The following CYRIA variants were observed in gnomAD, a reference collection of about 807,000 sequenced individuals.
CYRIA encodes the protein CYFIP related Rac1 interactor A, also known as CYFIP-related Rac1 interactor A.
A neutral mutation model predicts 43.9 loss-of-function variants in CYRIA; 15 were observed. The ratio of observed to expected loss-of-function variants is 0.34; its 90% CI spans 0.23 to 0.53. CYRIA has a LOEUF of 0.53. Ranked by LOEUF, CYRIA falls within the 20% of genes least tolerant of loss-of-function variation. The probability of loss-of-function intolerance (pLI) is 0.94; values close to 1 mark genes in which losing one functional copy is unlikely to be tolerated. For synonymous variants in CYRIA, 117 were observed against 136.0 expected (o/e 0.86, Z 0.97); for missense variants, 236 against 394.2 (o/e 0.60, Z 3.40).
intron 1 of CYRIA, among the ~76,000 whole-genome samples, chr2:16,640,758 AGTGCAG>A (rs1669652774): frequency 6.6e-6 from 1 of 152,230 alleles, no homozygotes; most frequent in South Asian, 2.1e-4. Context: ...AGGTGGACAC[AGTGCAG>A]GTAGAGAGTC....
At position 16,565,784 on chromosome 2, in the gene CYRIA, C is replaced by G; in HGVS notation, c.71-17G>C. The G allele has an allele frequency of 6.5e-7, 1 of 1,546,248 alleles. No homozygotes were observed. Among genetic ancestry groups the G allele is most frequent in the Non-Finnish European group, 8.8e-7 (1 of 1,132,042 alleles). ...GCTGAGCATCTAAGAAACAGGGAAA[C>G]CGAGAGACAGAGTGCTGGTGTTTAC... On this transcript the variant is annotated splice_polypyrimidine_tract_variant and intron_variant, in intron 3 of 11. Coordinates refer to ENST00000381323, the MANE Select transcript of CYRIA (RefSeq NM_030797.4).
intron 3 of CYRIA, among the ~76,000 whole-genome samples, chr2:16,583,433 G>C (rs1039534969): frequency 6.6e-6 from 1 of 152,162 alleles, no homozygotes; most frequent in Non-Finnish European, 1.5e-5. Context: ...GAAGCACCTG[G>C]AAATGTGGGA....
intron 1 of CYRIA, among the ~76,000 whole-genome samples, chr2:16,645,932 T>C (rs892193088): frequency 6.6e-6 from 1 of 152,192 alleles, no homozygotes; most frequent in African/African-American, 2.4e-5. Context: ...AGATCATATG[T>C]GCTTATACAC....
At chr2:16,629,117 A>C (rs894854634) in intron 1 of CYRIA, among the ~76,000 whole-genome samples, 3 of 117,792 alleles carry the variant, frequency 2.5e-5, no homozygotes, top group Non-Finnish European at 3.6e-5. Flanking sequence ...GCACGGGAAT[A>C]CAGCTGCCAC....
chr2:16,573,909 A>C (rs1427820129), intron 3 of CYRIA, among the ~76,000 whole-genome samples: 2 of 152,246 alleles, frequency 1.3e-5, no homozygotes, highest in Non-Finnish European at 2.9e-5. Flanking sequence ...AATTGGTACC[A>C]GTACAGTGCA....
In CYRIA at chr2:16,560,208, A is replaced by T. The variant is rs557044880; in HGVS notation, c.711-622T>A. 7.2e-5 allele frequency among the ~76,000 whole-genome samples: 11 copies of T among 152,276 alleles called. No individual in the cohort carries two copies. The South Asian group carries it at 2.3e-3, about 32-fold the overall frequency. ...TTTCTTAGCATCTATTTCATTATGA[A>T]TTGGCTCTGCAATGAAGATGATTAC... On this transcript the variant is annotated intron_variant, in intron 9 of 11. Transcript: ENST00000381323.
intron 1 of CYRIA, among the ~76,000 whole-genome samples, chr2:16,661,391 T>C (rs72777961): frequency 0.033 from 4,984 of 152,368 alleles, 124 homozygotes; most frequent in Middle Eastern, 0.1. Flanking sequence ...GCAACTGTTA[T>C]GCTTTCCATT....
At chr2:16,564,296 C>G (rs1483638965) in intron 4 of CYRIA, among the ~76,000 whole-genome samples, 1 of 152,166 alleles carries the variant, frequency 6.6e-6, no homozygotes, top group Non-Finnish European at 1.5e-5. Context: ...GCAAATGGCT[C>G]TACAATTACA....
chr2:16,601,901 T>C (rs1382536574), intron 2 of CYRIA, among the ~76,000 whole-genome samples: 9 of 152,210 alleles, frequency 5.9e-5, no homozygotes, highest in African/African-American at 2.2e-4. Context: ...TCATTTGTTT[T>C]CTATAAATAA....
intron 1 of CYRIA, among the ~76,000 whole-genome samples, chr2:16,645,470 A>G (rs992516132): frequency 1.3e-5 from 2 of 152,226 alleles, no homozygotes; most frequent in Non-Finnish European, 2.9e-5. Flanking sequence ...CGGCTAGTGC[A>G]GTATCTGATA....
intron 2 of CYRIA, among the ~76,000 whole-genome samples, chr2:16,616,206 C>G (rs1668783806): frequency 6.6e-6 from 1 of 152,204 alleles, no homozygotes; most frequent in Non-Finnish European, 1.5e-5. Context: ...CTACATCTCC[C>G]TCCTCCTGAC....
intron 2 of CYRIA, among the ~76,000 whole-genome samples, chr2:16,612,570 G>T (rs1668642455): frequency 1.3e-5 from 2 of 152,162 alleles, no homozygotes; most frequent in African/African-American, 4.8e-5. Flanking sequence ...AAGACAGCAG[G>T]ATTTGAGAAG....
intron 10 of CYRIA, 30 bp downstream of exon 10, chr2:16,559,430 T>G: frequency 1.2e-6 from 2 of 1,604,994 alleles, no homozygotes; most frequent in Non-Finnish European, 1.7e-6. Flanking sequence ...GGGCCCTTAT[T>G]TGGAAAGCAC....
intron 1 of CYRIA, among the ~76,000 whole-genome samples, chr2:16,659,402 G>A (rs1670191350): frequency 1.3e-5 from 2 of 152,198 alleles, no homozygotes; most frequent in African/African-American, 2.4e-5. Context: ...GATAATATCT[G>A]TTTCAAACGT....
chr2:16,568,832 C>T lies in CYRIA; in HGVS notation c.71-3065G>A, dbSNP rs780625691. 4.6e-5 allele frequency among the ~76,000 whole-genome samples: 7 copies of T among 152,216 alleles called. No homozygotes were observed. In the East Asian group the frequency reaches 7.7e-4, roughly 17 times the overall value. The stretch of plus-strand genomic sequence containing the variant: ...AGAACAGAAAGCCTTCTAATCTCAG[C>T]GGTCACCTGGCTCCACCCTAGCAAA... On this transcript the variant is annotated intron_variant, in intron 3 of 11. Transcript: ENST00000381323.
chr2:16,582,818 A>G lies in CYRIA; in HGVS notation c.70+5232T>C, dbSNP rs1402986726. ...GCTATTATAAATAATGCTGCTATGA[A>G]CATTAATGTACAAATTCTTGTGTGG... is the stretch of plus-strand genomic sequence containing the variant. On this transcript the variant is annotated intron_variant, in intron 3 of 11. Transcript: ENST00000381323. Among the ~76,000 whole-genome samples the G allele has an allele frequency of 2.0e-5, 3 of 152,314 alleles. No individual in the cohort carries two copies. In the East Asian group the frequency reaches 5.8e-4, roughly 29 times the overall value.
At chr2:16,588,398 T>C (rs1272787152) in intron 2 of CYRIA, among the ~76,000 whole-genome samples, 1 of 150,908 alleles carries the variant, frequency 6.6e-6, no homozygotes, top group Non-Finnish European at 1.5e-5. Context: ...CTCGAGAGAA[T>C]ACACCTGCAG....
Position 16,562,578 on chromosome 2 carries a change from C to T in CYRIA, c.299-437G>A, listed in dbSNP as rs968397277. On this transcript the variant is annotated intron_variant, in intron 5 of 11. Coordinates refer to ENST00000381323, the MANE Select transcript of CYRIA (RefSeq NM_030797.4). ...CCTATTGGACTTTTCTCTGCATCTA[C>T]ATTCTAACCTAATCCCAAGAATATT... 2.6e-5 allele frequency among the ~76,000 whole-genome samples: 4 copies of T among 152,186 alleles called. 1 individual carries two copies. Among genetic ancestry groups the T allele is most frequent in the Admixed American group, 1.3e-4 (2 of 15,278 alleles).
rs1206806413 is a variant in CYRIA at position 16,587,245 on chromosome 2, T to C, written c.70+805A>G. Among the ~76,000 whole-genome samples, 5 of 152,180 alleles carry C rather than the reference T, an allele frequency of 3.3e-5. No individual in the cohort carries two copies. In the East Asian group the frequency reaches 5.8e-4, roughly 18 times the overall value. The stretch of plus-strand genomic sequence containing the variant: ...AATTTTCTTTCACATTTAGCAATAT[T>C]TGTTTTATATGAATCTTTGTAAATT... On this transcript the variant is annotated intron_variant, in intron 3 of 11. Coordinates refer to ENST00000381323, the MANE Select transcript of CYRIA (RefSeq NM_030797.4).
Sources: allele counts gnomAD v4.1 joint callset (sites outside exome capture counted in the v4.1 genomes callset), GRCh38; gene constraint gnomAD v4.1.1; transcripts MANE v1.5; gene names NCBI Gene and HGNC (gene_info 2026-07-23, HGNC 2026-07-21).